USP46: variants seen among roughly 807,000 people sequenced by gnomAD.
USP46 encodes ubiquitin carboxyl-terminal hydrolase 46.
A neutral mutation model predicts 44.4 loss-of-function variants in USP46; 12 were observed. The observed-to-expected ratio is 0.27, with a 90% CI of 0.17 to 0.44. The LOEUF (loss-of-function observed/expected upper bound fraction) is 0.44, where lower values mean the gene tolerates loss of function less well. Ranked by LOEUF, USP46 falls within the 20% of genes least tolerant of loss-of-function variation. The pLI, the probability that USP46 is intolerant of heterozygous loss-of-function variation, is 1.00. For missense variants in USP46, 248 were observed against 444.8 expected, an observed-to-expected ratio of 0.56 and a Z score of 3.98; for synonymous variants, 155 against 161.5, an observed-to-expected ratio of 0.96 and a Z score of 0.31.
At chr4:52,646,266 T>A (rs1237593362) in intron 1 of USP46, among the ~76,000 whole-genome samples, 1 of 152,174 alleles carries the variant, frequency 6.6e-6, no homozygotes, top group African/African-American at 2.4e-5. Context: ...AATGCACTTG[T>A]GCGGCAACCC....
intron 1 of USP46, among the ~76,000 whole-genome samples, chr4:52,639,267 T>C (rs1382031395): frequency 6.6e-6 from 1 of 152,194 alleles, no homozygotes; most frequent in Non-Finnish European, 1.5e-5. Context: ...GAAAAAGAGA[T>C]AAAGGCTGTA....
At chr4:52,604,689 GGAA>G (rs1417016377) in intron 5 of USP46, 105 bp from the exon 6 acceptor site, 7 of 731,218 alleles carry the variant, frequency 9.6e-6, no homozygotes, top group African/African-American at 5.5e-5. Context: ...AAGTAAAAAT[GGAA>G]GAAGAAGTAA....
chr4:52,610,529 G>A lies in USP46; in HGVS notation c.638+12C>T. ...CTGATCAAAAGCTCAAACTGCCTCA[G>A]AGTTCATATACCTTAGACAGTGGGT... is the stretch of plus-strand genomic sequence containing the variant. On this transcript the variant is annotated intron_variant, in intron 5 of 8. Coordinates refer to ENST00000441222, the MANE Select transcript of USP46 (RefSeq NM_022832.4). 4 of 1,612,616 alleles carry A rather than the reference G, an allele frequency of 2.5e-6. No homozygotes were observed. The highest frequency in any genetic ancestry group is 3.4e-6 in the Non-Finnish European group (4 of 1,179,130).
chr4:52,658,388 C>A, intron 1 of USP46: 1 of 408,702 alleles, frequency 2.4e-6, no homozygotes, highest in Non-Finnish European at 5.0e-6. Flanking sequence ...GTATCCATGC[C>A]CGCCAGCCTC....
intron 1 of USP46, among the ~76,000 whole-genome samples, chr4:52,652,873 T>A (rs1169398976): frequency 6.6e-6 from 1 of 152,182 alleles, no homozygotes; most frequent in African/African-American, 2.4e-5. Context: ...ACTCTATTAT[T>A]CCACATTTCT....
In USP46 at chr4:52,601,852, C is replaced by T; in HGVS notation, c.920+5G>A. 6.2e-7 allele frequency: 1 copy of T among 1,612,168 alleles called. No individual in the cohort carries two copies. The highest frequency in any genetic ancestry group is 8.5e-7 in the Non-Finnish European group (1 of 1,179,282). On this transcript the variant is annotated splice_donor_5th_base_variant and intron_variant, in intron 7 of 8. Transcript: ENST00000441222. ...CTGTATACCTGCTTCCAGTCTTGCC[C>T]TTACCTGCCACAGTGAACGACCACC...
intron 4 of USP46, among the ~76,000 whole-genome samples, chr4:52,623,240 T>A (rs1186297055): frequency 1.3e-5 from 2 of 152,144 alleles, no homozygotes; most frequent in Non-Finnish European, 2.9e-5. Flanking sequence ...CCTTATTAAA[T>A]GAAAAAGACT....
In USP46 at chr4:52,659,286, GGGAGGCCGGGAGGA is replaced by G; in HGVS notation, c.-150_-137del. 1.2e-6 allele frequency: 1 copy of G among 852,000 alleles called. No homozygotes were observed. The highest frequency in any genetic ancestry group is 1.7e-6 in the Non-Finnish European group (1 of 602,198). 52.8% of individuals were successfully genotyped at this position (852,000 alleles called of 1,614,324 possible). A position where few individuals can be genotyped will look rare whatever the true frequency, so the allele number is the denominator to read the frequency against. On this transcript the variant is annotated 5_prime_UTR_variant, in exon 1 of 9. Coordinates refer to ENST00000441222, the MANE Select transcript of USP46 (RefSeq NM_022832.4). The surrounding 1 kb of genome is among the most constrained non-coding windows in gnomAD (Gnocchi z 4.2). Reference sequence around the variant, plus strand: ...TCCGGCTTTCAGTTTGGCTGGGAGAGGGAGGCCGGGAGGAGGAGGCGGCGGCGCGGGGAGGGCGG... The same window carrying G: ...TCCGGCTTTCAGTTTGGCTGGGAGAGGGAGGCGGCGGCGCGGGGAGGGCGG...
chr4:52,657,723 G>A (rs1219248603), intron 1 of USP46, among the ~76,000 whole-genome samples: 1 of 152,160 alleles, frequency 6.6e-6, no homozygotes, highest in African/African-American at 2.4e-5. Context: ...AAGGCTCTAG[G>A]ATCCACTCCC....
chr4:52,658,385 T>C, intron 1 of USP46: 3 of 412,622 alleles, frequency 7.3e-6, no homozygotes, highest in South Asian at 5.2e-5. Context: ...GCTGTATCCA[T>C]GCCCGCCAGC....
chr4:52,628,655 T>C (rs1298106122), intron 2 of USP46, among the ~76,000 whole-genome samples: 3 of 152,198 alleles, frequency 2.0e-5, no homozygotes, highest in African/African-American at 7.2e-5. Flanking sequence ...GAACAGGGGC[T>C]GGTTTTCATT....
chr4:52,633,897 G>A (rs899465936), intron 1 of USP46, among the ~76,000 whole-genome samples: 5 of 152,108 alleles, frequency 3.3e-5, no homozygotes, highest in Admixed American at 2.0e-4. Flanking sequence ...GCACAGCACA[G>A]GACAGGACAA....
At chr4:52,654,697 C>T (rs1385273012) in intron 1 of USP46, among the ~76,000 whole-genome samples, 2 of 152,088 alleles carry the variant, frequency 1.3e-5, no homozygotes. Context: ...CCCAGCCTAC[C>T]TCATTTATTT....
At chr4:52,642,960 C>A (rs1434096174) in intron 1 of USP46, among the ~76,000 whole-genome samples, 2 of 151,628 alleles carry the variant, frequency 1.3e-5, no homozygotes, top group Non-Finnish European at 2.9e-5. Flanking sequence ...ATATGCAGAA[C>A]AAAATGTGTT....
chr4:52,601,692 G>T (rs956832434), intron 7 of USP46, among the ~76,000 whole-genome samples, 165 bp downstream of exon 7: 2 of 152,074 alleles, frequency 1.3e-5, no homozygotes, highest in African/African-American at 4.8e-5. Flanking sequence ...TATTTTATGT[G>T]CCTGCAGGCA....
chr4:52,619,277 C>G (rs562633317), intron 4 of USP46, among the ~76,000 whole-genome samples: 3 of 146,684 alleles, frequency 2.0e-5, no homozygotes, highest in South Asian at 4.3e-4. Flanking sequence ...TCATAAGCAA[C>G]ATTTACAAAG....
chr4:52,608,905 G>C (rs879727153), intron 5 of USP46, among the ~76,000 whole-genome samples: 2 of 152,124 alleles, frequency 1.3e-5, no homozygotes, highest in Non-Finnish European at 2.9e-5. Flanking sequence ...GGGAGATTCT[G>C]GGAAGGAGTC....
In USP46 at chr4:52,596,592, G is replaced by C. The variant is rs1392850235; in HGVS notation, c.*1048C>G. ...TAACTCTGGTATTCCCTCTAGGGAAGGTTCTGTATCAGCCCTGGGACTCGC... is the reference window on the plus strand; with the variant it reads ...TAACTCTGGTATTCCCTCTAGGGAACGTTCTGTATCAGCCCTGGGACTCGC... On this transcript the variant is annotated 3_prime_UTR_variant, in exon 9 of 9. Transcript: ENST00000441222. 6.6e-6 allele frequency: 1 copy of C among 152,194 alleles called. No homozygotes were observed. The highest frequency in any genetic ancestry group is 1.5e-5 in the Non-Finnish European group (1 of 68,042). 9.4% of individuals were successfully genotyped at this position (152,194 alleles called of 1,614,324 possible). A position where few individuals can be genotyped will look rare whatever the true frequency, so the allele number is the denominator to read the frequency against.
intron 1 of USP46, among the ~76,000 whole-genome samples, chr4:52,631,347 T>C (rs1717818974): frequency 6.6e-6 from 1 of 152,194 alleles, no homozygotes; most frequent in African/African-American, 2.4e-5. Flanking sequence ...TCATTCAACT[T>C]ATTCATCCCC....
Sources: allele counts gnomAD v4.1 joint callset (sites outside exome capture counted in the v4.1 genomes callset), GRCh38; gene constraint gnomAD v4.1.1; non-coding constraint Gnocchi (gnomAD v3.1); transcripts MANE v1.5; gene names NCBI Gene and HGNC (gene_info 2026-07-23, HGNC 2026-07-21).